Variants in PRR16 observed in about 807,000 individuals in gnomAD.
The protein encoded by PRR16 is protein Largen.
In PRR16, 6 loss-of-function variants were observed where a neutral mutation model predicts 18.2. The ratio of observed to expected loss-of-function variants is 0.33; its 90% CI spans 0.18 to 0.65. The LOEUF is 0.65. Ranked by LOEUF, PRR16 falls within the 30% of genes least tolerant of loss-of-function variation. The pLI is 0.74. For synonymous variants in PRR16, 151 were observed against 147.8 expected (o/e 1.02, Z -0.16); for missense variants, 412 against 376.6 (o/e 1.09, Z -0.78).
At chr5:120,604,985 A>G (rs927161741) in intron 1 of PRR16, among the ~76,000 whole-genome samples, 2 of 152,040 alleles carry the variant, frequency 1.3e-5, no homozygotes, top group African/African-American at 4.8e-5. Context: ...TGTTGTTCAC[A>G]TTGACCTTGG....
chr5:120,647,097 A>C (rs576354436), intron 1 of PRR16, among the ~76,000 whole-genome samples: 1 of 152,150 alleles, frequency 6.6e-6, no homozygotes, highest in East Asian at 1.9e-4. Context: ...TCGAAAATTA[A>C]GTAAATTATT....
chr5:120,529,411 G>A (rs1204653872), intron 1 of PRR16, among the ~76,000 whole-genome samples: 2 of 152,054 alleles, frequency 1.3e-5, no homozygotes, highest in South Asian at 2.1e-4. Context: ...GACCATAAGT[G>A]TACTAAAATA....
chr5:120,717,003 G>C, the PRR16 span, among the ~76,000 whole-genome samples: 4 of 152,170 alleles, frequency 2.6e-5, no homozygotes, highest in Admixed American at 2.0e-4. Context: ...GTACAGGTTA[G>C]GAAGATGGAC....
intron 1 of PRR16, among the ~76,000 whole-genome samples, chr5:120,476,875 G>A (rs1375413591): frequency 1.3e-5 from 2 of 151,888 alleles, no homozygotes; most frequent in African/African-American, 4.8e-5. Flanking sequence ...ATTTTTCCCT[G>A]TTCTTTCCTA....
chr5:120,522,843 C>T (rs1425286378), intron 1 of PRR16, among the ~76,000 whole-genome samples: 3 of 152,100 alleles, frequency 2.0e-5, no homozygotes, highest in Non-Finnish European at 4.4e-5. Context: ...GTCTCGATCT[C>T]CTGACCTCGT....
chr5:120,752,004 CTT>C, the PRR16 span, among the ~76,000 whole-genome samples: 1 of 152,016 alleles, frequency 6.6e-6, no homozygotes, highest in African/African-American at 2.4e-5. Flanking sequence ...GAGGAACTGA[CTT>C]TTTCTGAAGA....
chr5:120,530,786 G>C (rs890654292), intron 1 of PRR16, among the ~76,000 whole-genome samples: 1 of 152,072 alleles, frequency 6.6e-6, no homozygotes, highest in African/African-American at 2.4e-5. Context: ...TTGAGGGATA[G>C]GAAAGAGACT....
the PRR16 span, among the ~76,000 whole-genome samples, chr5:120,778,856 A>T: frequency 6.6e-6 from 1 of 152,188 alleles, no homozygotes; most frequent in African/African-American, 2.4e-5. Flanking sequence ...TCGCTTGTCT[A>T]ATGCATTTTA....
chr5:120,544,405 A>C, intron 1 of PRR16, among the ~76,000 whole-genome samples: 1 of 152,092 alleles, frequency 6.6e-6, no homozygotes, highest in East Asian at 1.9e-4. Flanking sequence ...GCTAGTCTGT[A>C]ATTTCTGTTC....
chr5:120,529,800 A>C (rs1411547984), intron 1 of PRR16, among the ~76,000 whole-genome samples: 1 of 152,148 alleles, frequency 6.6e-6, no homozygotes, highest in Non-Finnish European at 1.5e-5. Context: ...ATTAAAATAG[A>C]ATAATTGTCA....
chr5:120,662,497 T>A (rs1363080236), intron 1 of PRR16, among the ~76,000 whole-genome samples: 1 of 152,092 alleles, frequency 6.6e-6, no homozygotes, highest in Non-Finnish European at 1.5e-5. Context: ...TAAGTGTATA[T>A]CTTATGTATT....
rs112384847 is a variant in PRR16, at chr5:120,566,754, A to G, written c.159+102109A>G. 1.7e-3 allele frequency among the ~76,000 whole-genome samples: 262 copies of G among 152,334 alleles called. 1 individual carries two copies. Among genetic ancestry groups the G allele is most frequent in the African/African-American group, 5.8e-3 (241 of 41,582 alleles). Reference sequence around the variant, plus strand: ...GTAAGATTCTTTTCTCTCAATGTCCATGCTTGTCACTCTTTCAATGACTGT... The same window carrying G: ...GTAAGATTCTTTTCTCTCAATGTCCGTGCTTGTCACTCTTTCAATGACTGT... On this transcript the variant is annotated intron_variant, in intron 1 of 1. Coordinates refer to ENST00000407149, the MANE Select transcript of PRR16 (RefSeq NM_001300783.2).
intron 1 of PRR16, among the ~76,000 whole-genome samples, chr5:120,496,197 A>C (rs72786260): frequency 6.6e-6 from 1 of 152,018 alleles, no homozygotes; most frequent in African/African-American, 2.4e-5. Flanking sequence ...GGTAAAAACA[A>C]TTGATAAGGA....
intron 1 of PRR16, among the ~76,000 whole-genome samples, chr5:120,531,247 T>C (rs1296345385): frequency 6.6e-6 from 1 of 152,148 alleles, no homozygotes; most frequent in Non-Finnish European, 1.5e-5. Flanking sequence ...TGGCAAATGA[T>C]AGGTTGCCAT....
the PRR16 span, among the ~76,000 whole-genome samples, chr5:120,792,219 G>A: frequency 6.6e-6 from 1 of 152,114 alleles, no homozygotes; most frequent in Non-Finnish European, 1.5e-5. Flanking sequence ...ACTCTCTCAC[G>A]AATGTCTAAA....
At chr5:120,520,089 T>C (rs1580678621) in intron 1 of PRR16, among the ~76,000 whole-genome samples, 1 of 152,268 alleles carries the variant, frequency 6.6e-6, no homozygotes, top group East Asian at 1.9e-4. Flanking sequence ...GAATCAAGTG[T>C]TCCTATTTTG....
chr5:120,518,168 A>G (rs931914671), intron 1 of PRR16, among the ~76,000 whole-genome samples: 9 of 152,152 alleles, frequency 5.9e-5, no homozygotes, highest in Admixed American at 5.2e-4. Flanking sequence ...CATATCGCTC[A>G]TAGGCAGCTT....
intron 1 of PRR16, 21 bp downstream of exon 1, chr5:120,464,666 G>A (rs776034661): frequency 2.7e-5 from 42 of 1,537,632 alleles, no homozygotes; most frequent in Non-Finnish European, 3.5e-5. Flanking sequence ...CAGGGGTGGG[G>A]AGGGAGTTCG....
intron 1 of PRR16, among the ~76,000 whole-genome samples, chr5:120,586,027 GCTGGGCGTGGTGGCACGTGC>G (rs2112764792): frequency 6.6e-6 from 1 of 152,016 alleles, no homozygotes; most frequent in South Asian, 2.1e-4. Flanking sequence ...ACAAAAATTA[GCTGGGCGTGGTGGCACGTGC>G]CTGTAGTCCC....
Sources: gnomAD v4.1 joint callset for allele counts (sites outside exome capture counted in the v4.1 genomes callset) on GRCh38, gnomAD v4.1.1 for gene constraint, MANE v1.5 for transcripts, NCBI Gene and HGNC (gene_info 2026-07-23, HGNC 2026-07-21) for gene names.